STARD13: variants seen among roughly 807,000 people sequenced by gnomAD.
STARD13 encodes the protein StAR related lipid transfer domain containing 13, also known as stAR-related lipid transfer protein 13.
Under a neutral mutation model 106.4 loss-of-function variants are expected in STARD13, and 62 were observed. That is an observed-to-expected ratio of 0.58 (90% CI 0.48 to 0.72). The LOEUF (loss-of-function observed/expected upper bound fraction) is 0.72. Among genes scored for constraint, STARD13 ranks in the 30% least tolerant of loss-of-function variants. STARD13 has a pLI of 0.00. For synonymous variants in STARD13, 565 were observed against 553.0 expected (o/e 1.02, Z -0.31); for missense variants, 1,387 against 1,424.0 (o/e 0.97, Z 0.42).
At chr13:33,373,340 C>T in the STARD13 span, among the ~76,000 whole-genome samples, 6 of 152,284 alleles carry the variant, frequency 3.9e-5, no homozygotes, top group Non-Finnish European at 5.9e-5. Context: ...AGTTAATTTA[C>T]ATTTAGTCAG....
the STARD13 span, among the ~76,000 whole-genome samples, chr13:33,648,049 G>T: frequency 3.9e-5 from 6 of 152,118 alleles, no homozygotes; most frequent in African/African-American, 1.2e-4. Flanking sequence ...TTGGAGAAAT[G>T]AAATAAAAGC....
the STARD13 span, among the ~76,000 whole-genome samples, chr13:33,394,114 A>T: frequency 1.3e-5 from 2 of 152,226 alleles, no homozygotes; most frequent in African/African-American, 4.8e-5. Flanking sequence ...GAACATCCTG[A>T]AAGATTAGAA....
chr13:33,226,735 T>C (rs753275301), intron 1 of STARD13, among the ~76,000 whole-genome samples: 58 of 152,156 alleles, frequency 3.8e-4, no homozygotes, highest in Non-Finnish European at 6.6e-4. Context: ...ACACCCGGCC[T>C]CAAATTTACT....
At chr13:33,134,490 G>C (rs986031120) in intron 4 of STARD13, among the ~76,000 whole-genome samples, 7 of 152,164 alleles carry the variant, frequency 4.6e-5, no homozygotes, top group African/African-American at 1.7e-4. Context: ...CATGTCTCAA[G>C]GTTATGATCA....
chr13:33,607,137 T>A, the STARD13 span, among the ~76,000 whole-genome samples: 2 of 151,904 alleles, frequency 1.3e-5, no homozygotes, highest in East Asian at 3.9e-4. Flanking sequence ...TTTATACATT[T>A]TTAAGTGTCC....
At chr13:33,343,590 A>AC (rs1415319084) in intron 1 of STARD13, among the ~76,000 whole-genome samples, 42 of 94,842 alleles carry the variant, frequency 4.4e-4, no homozygotes, top group African/African-American at 1.7e-3. Flanking sequence ...AAAAAAAAAA[A>AC]AAAAAAACAA....
At chr13:33,460,690 A>AT in the STARD13 span, among the ~76,000 whole-genome samples, 2 of 150,534 alleles carry the variant, frequency 1.3e-5, no homozygotes, top group African/African-American at 2.5e-5. Context: ...AATATGCTAC[A>AT]TTTTTTTTCT....
intron 1 of STARD13, among the ~76,000 whole-genome samples, chr13:33,321,263 T>C (rs909430241): frequency 5.3e-5 from 8 of 152,126 alleles, no homozygotes; most frequent in Non-Finnish European, 8.8e-5. Flanking sequence ...CCCAGCACTT[T>C]AGGAGGCCAA....
chr13:33,201,023 C>A (rs1886992560), intron 1 of STARD13, among the ~76,000 whole-genome samples: 2 of 149,004 alleles, frequency 1.3e-5, no homozygotes, highest in African/African-American at 2.5e-5. Flanking sequence ...GAGATTCTAT[C>A]TCAAAAATAA....
chr13:33,470,234 T>G, the STARD13 span, among the ~76,000 whole-genome samples: 1 of 152,164 alleles, frequency 6.6e-6, no homozygotes, highest in African/African-American at 2.4e-5. Context: ...GAACTCATCC[T>G]TTTTTATGGC....
the STARD13 span, among the ~76,000 whole-genome samples, chr13:33,613,558 T>C: frequency 2.0e-5 from 3 of 152,190 alleles, no homozygotes; most frequent in Non-Finnish European, 4.4e-5. Context: ...ATGGCCTGGC[T>C]TAGCCAAGCA....
At chr13:33,598,824 C>T in the STARD13 span, among the ~76,000 whole-genome samples, 1 of 152,174 alleles carries the variant, frequency 6.6e-6, no homozygotes, top group Non-Finnish European at 1.5e-5. Flanking sequence ...TGCCATGGGG[C>T]GGGAGCTGGG....
intron 1 of STARD13, among the ~76,000 whole-genome samples, chr13:33,253,082 C>G (rs990892933): frequency 6.6e-6 from 1 of 152,190 alleles, no homozygotes; most frequent in Admixed American, 6.5e-5. Flanking sequence ...TGTGGTATTT[C>G]CATGAACCAG....
chr13:33,446,518 C>A, the STARD13 span, among the ~76,000 whole-genome samples: 1 of 151,878 alleles, frequency 6.6e-6, no homozygotes, highest in African/African-American at 2.4e-5. Flanking sequence ...TCCTATAGAT[C>A]TGAGATATGT....
At chr13:33,467,891 G>T in the STARD13 span, among the ~76,000 whole-genome samples, 5 of 152,164 alleles carry the variant, frequency 3.3e-5, no homozygotes, top group Non-Finnish European at 5.9e-5. Flanking sequence ...ACAGAAGATT[G>T]CTGTCTTCTT....
chr13:33,301,665 T>C (rs957087993), intron 1 of STARD13, among the ~76,000 whole-genome samples: 3 of 151,378 alleles, frequency 2.0e-5, no homozygotes, highest in Non-Finnish European at 4.4e-5. Context: ...CCTCCCAGGT[T>C]CATGCCATTC....
chr13:33,119,915 G>A (rs1876004881), intron 7 of STARD13, among the ~76,000 whole-genome samples: 1 of 152,212 alleles, frequency 6.6e-6, no homozygotes. Flanking sequence ...GGCATGGAAA[G>A]AAAGCATGTA....
the STARD13 span, among the ~76,000 whole-genome samples, chr13:33,672,002 C>G: frequency 1.3e-5 from 2 of 152,178 alleles, no homozygotes; most frequent in African/African-American, 2.4e-5. Context: ...TTTGACCCAG[C>G]AATCCCATTA....
intron 1 of STARD13, among the ~76,000 whole-genome samples, chr13:33,300,989 G>A (rs1390472759): frequency 6.6e-6 from 1 of 152,138 alleles, no homozygotes; most frequent in Non-Finnish European, 1.5e-5. Context: ...TTTCCTAAAG[G>A]ATGCTTTCCA....
Sources: gnomAD v4.1 joint callset for allele counts (sites outside exome capture counted in the v4.1 genomes callset) on GRCh38, gnomAD v4.1.1 for gene constraint, MANE v1.5 for transcripts, NCBI Gene and HGNC (gene_info 2026-07-23, HGNC 2026-07-21) for gene names.